SYT16: variants seen among roughly 807,000 people sequenced by gnomAD.
The protein encoded by SYT16 is synaptotagmin 16, also known as synaptotagmin-16.
In SYT16, 42 loss-of-function variants were observed where a neutral mutation model predicts 61.4. The ratio of observed to expected loss-of-function variants is 0.68; its 90% CI spans 0.53 to 0.89. The LOEUF is 0.89. SYT16 is among the 40% of genes least tolerant of loss of function. SYT16 has a pLI of 0.00. For synonymous variants in SYT16, 314 were observed against 302.3 expected, an observed-to-expected ratio of 1.04 and a Z score of -0.40; for missense variants, 804 against 807.3, an observed-to-expected ratio of 1.00 and a Z score of 0.05.
At chr14:61,816,769 T>C (rs1016993118) in intron 1 of SYT16, among the ~76,000 whole-genome samples, 3 of 152,054 alleles carry the variant, frequency 2.0e-5, no homozygotes, top group Non-Finnish European at 4.4e-5. Context: ...CCCAGCACTT[T>C]GGGAGGCCGA....
chr14:61,940,242 T>C (rs192568080), intron 1 of SYT16, among the ~76,000 whole-genome samples: 56 of 147,542 alleles, frequency 3.8e-4, no homozygotes, highest in Admixed American at 1.0e-3. Flanking sequence ...TTTATTTCTA[T>C]TTTTTTTTTT....
Position 62,045,137 on chromosome 14 carries a change from AAAAT to A in SYT16, c.524-24442_524-24439del, listed in dbSNP as rs754323210. ...TGGGTGACAGAGTGAGACTATGTCTAAAATAAATAAATAAATAAATAAATAAAAT... is the reference window on the plus strand; with the variant it reads ...TGGGTGACAGAGTGAGACTATGTCTAAAATAAATAAATAAATAAATAAAAT... On this transcript the variant is annotated intron_variant, in intron 3 of 7. Coordinates refer to ENST00000683842, the MANE Select transcript of SYT16 (RefSeq NM_001367656.1). 8.6e-5 allele frequency among the ~76,000 whole-genome samples: 13 copies of A among 151,972 alleles called. No individual in the cohort carries two copies. The East Asian group carries it at 1.4e-3, about 16-fold the overall frequency.
chr14:61,885,525 C>T (rs535199644), intron 1 of SYT16, among the ~76,000 whole-genome samples: 177 of 152,216 alleles, frequency 1.2e-3, no homozygotes, highest in Non-Finnish European at 1.6e-3. Context: ...CACATATAGT[C>T]AGATAAATGT....
At chr14:61,880,156 C>T (rs1044795110) in intron 1 of SYT16, among the ~76,000 whole-genome samples, 7 of 152,242 alleles carry the variant, frequency 4.6e-5, no homozygotes, top group African/African-American at 1.7e-4. Flanking sequence ...GGGCATGCAT[C>T]CTCATTTGCC....
intron 1 of SYT16, among the ~76,000 whole-genome samples, chr14:61,840,640 A>G (rs1284842143): frequency 6.6e-6 from 1 of 152,128 alleles, no homozygotes; most frequent in Non-Finnish European, 1.5e-5. Context: ...TTAATGTCAT[A>G]AAGCAAAAGT....
At chr14:61,937,785 A>G (rs1179763962) in intron 1 of SYT16, among the ~76,000 whole-genome samples, 1 of 152,164 alleles carries the variant, frequency 6.6e-6, no homozygotes, top group African/African-American at 2.4e-5. Context: ...GGAAGGATGG[A>G]AACTTGTCCC....
intron 1 of SYT16, among the ~76,000 whole-genome samples, chr14:61,823,411 A>G (rs1232469035): frequency 6.6e-6 from 1 of 151,990 alleles, no homozygotes; most frequent in Admixed American, 6.6e-5. Context: ...TATCCACTTC[A>G]GGCTATTGCT....
chr14:61,881,343 T>G (rs1037842484), intron 1 of SYT16, among the ~76,000 whole-genome samples: 1 of 152,238 alleles, frequency 6.6e-6, no homozygotes, highest in African/African-American at 2.4e-5. Context: ...AGTCCTATAG[T>G]CATGGTCTCT....
chr14:61,925,206 G>C lies in SYT16; in HGVS notation c.-324-44926G>C, dbSNP rs76616742. Among the ~76,000 whole-genome samples, 10 of 152,206 alleles carry C rather than the reference G, an allele frequency of 6.6e-5. No individual in the cohort carries two copies. The East Asian group carries it at 1.7e-3, about 26-fold the overall frequency. ...AGATTCTGACGGTAAGATGCTCTTC[G>C]ATTGCTTTTTCAATTCTCTTCCTTC... On this transcript the variant is annotated intron_variant, in intron 1 of 7. Coordinates refer to ENST00000683842, the MANE Select transcript of SYT16 (RefSeq NM_001367656.1).
Position 61,994,174 on chromosome 14 carries a change from G to A in SYT16, c.-144-1702G>A, listed in dbSNP as rs572026756. Among the ~76,000 whole-genome samples, 4 of 152,320 alleles carry A rather than the reference G, an allele frequency of 2.6e-5. No individual in the cohort carries two copies. The South Asian group carries it at 6.2e-4, about 24-fold the overall frequency. ...ACGGAGTTTGGAATGGAAGAAGGTA[G>A]TGTTGAAGAGAGAAATTCACAATCC... On this transcript the variant is annotated intron_variant, in intron 2 of 7. Coordinates refer to ENST00000683842, the MANE Select transcript of SYT16 (RefSeq NM_001367656.1).
chr14:61,945,389 A>T (rs2050382129), intron 1 of SYT16, among the ~76,000 whole-genome samples: 1 of 152,246 alleles, frequency 6.6e-6, no homozygotes, highest in Non-Finnish European at 1.5e-5. Context: ...TACTGTGTAT[A>T]TACCCAAAGG....
intron 1 of SYT16, among the ~76,000 whole-genome samples, chr14:61,881,858 G>A (rs561294195): frequency 7.4e-4 from 112 of 151,996 alleles, no homozygotes; most frequent in Non-Finnish European, 9.4e-4. Flanking sequence ...TTCCCCTTTT[G>A]AGAATATACC....
chr14:62,020,471 A>G (rs1053155841), intron 3 of SYT16, among the ~76,000 whole-genome samples: 2 of 152,146 alleles, frequency 1.3e-5, no homozygotes, highest in Admixed American at 6.6e-5. Context: ...AAAGTTACCC[A>G]TACATTTGCC....
intron 1 of SYT16, among the ~76,000 whole-genome samples, chr14:61,888,125 CTTTT>C (rs756842240): frequency 6.0e-5 from 8 of 134,182 alleles, no homozygotes; most frequent in Admixed American, 7.5e-5. Context: ...CTTTTCTTTT[CTTTT>C]TTTTTTTTTT....
At chr14:61,998,329 C>T (rs758341102) in intron 3 of SYT16, among the ~76,000 whole-genome samples, 1 of 151,976 alleles carries the variant, frequency 6.6e-6, no homozygotes, top group Non-Finnish European at 1.5e-5. Context: ...TCAGAAAATT[C>T]TCCTACATTC....
At chr14:61,832,418 C>A (rs1020316185) in intron 1 of SYT16, 4 of 484,922 alleles carry the variant, frequency 8.2e-6, no homozygotes, top group African/African-American at 4.0e-5. Context: ...CGGTGTCCCG[C>A]GACCCCAGTA....
At chr14:61,919,979 T>C (rs180889896) in intron 1 of SYT16, among the ~76,000 whole-genome samples, 67 of 152,298 alleles carry the variant, frequency 4.4e-4, no homozygotes, top group Admixed American at 1.1e-3. Flanking sequence ...TTCTTATATC[T>C]CAGTTTTCAT....
chr14:62,069,606 A>G lies in SYT16; in HGVS notation c.527A>G (p.Asn176Ser). ...CATGGCTCTTGTTTACTCCCAGTCAACAGCTTTGGGGATGACGAAGAGCTG... is the reference window on the plus strand; with the variant it reads ...CATGGCTCTTGTTTACTCCCAGTCAGCAGCTTTGGGGATGACGAAGAGCTG... ...LETVNGKKQV[N>S]SFGDDEELST... Residue 176 changes from asparagine to serine, a missense_variant, in exon 4 of 8, where the codon AAC becomes AGC. Transcript: ENST00000683842. 1 of 1,613,858 alleles carries G rather than the reference A, an allele frequency of 6.2e-7. No homozygotes were observed. The highest frequency in any genetic ancestry group is 8.5e-7 in the Non-Finnish European group (1 of 1,179,838).
chr14:61,824,017 C>T (rs1319018970), intron 1 of SYT16, among the ~76,000 whole-genome samples: 1 of 152,096 alleles, frequency 6.6e-6, no homozygotes, highest in Admixed American at 6.5e-5. Flanking sequence ...CAGTTGGATC[C>T]TGGAGACAAA....
Sources: allele counts gnomAD v4.1 joint callset (sites outside exome capture counted in the v4.1 genomes callset), GRCh38; gene constraint gnomAD v4.1.1; transcripts MANE v1.5; gene names NCBI Gene and HGNC (gene_info 2026-07-23, HGNC 2026-07-21).